The following COLGALT2 variants were observed in gnomAD, a reference collection of about 807,000 sequenced individuals.
COLGALT2 encodes the protein procollagen galactosyltransferase 2.
COLGALT2 carries 49 observed loss-of-function variants against 73.4 expected under a neutral mutation model. The observed-to-expected ratio is 0.67, with a 90% CI of 0.53 to 0.85. COLGALT2 has a LOEUF of 0.85. Among genes scored for constraint, COLGALT2 ranks in the 40% least tolerant of loss-of-function variants. The pLI is 0.00. For synonymous variants in COLGALT2, 295 were observed against 307.6 expected (o/e 0.96, Z 0.43); for missense variants, 722 against 790.2 (o/e 0.91, Z 1.03).
chr1:184,017,247 CTTATAA>C (rs539390012), intron 1 of COLGALT2, among the ~76,000 whole-genome samples: 2 of 152,166 alleles, frequency 1.3e-5, no homozygotes, highest in Non-Finnish European at 2.9e-5. Context: ...ATCTGATGTA[CTTATAA>C]TTATATTAAA....
chr1:184,007,753 GTCCTCAAGCTTATCCCAGGT>G (rs1461717381), intron 1 of COLGALT2, among the ~76,000 whole-genome samples: 1 of 152,128 alleles, frequency 6.6e-6, no homozygotes, highest in African/African-American at 2.4e-5. Context: ...GGCCCCCAGG[GTCCTCAAGCTTATCCCAGGT>G]TCCTCAAACA....
intron 5 of COLGALT2, chr1:183,964,295 A>C (rs1373734496): frequency 2.4e-6 from 1 of 413,304 alleles, no homozygotes; most frequent in African/African-American, 2.0e-5. Flanking sequence ...GCCTGGAATG[A>C]ACAAAAAAGG....
In COLGALT2 at chr1:184,020,621, G is replaced by A. The variant is rs868039118; in HGVS notation, c.263+16474C>T. Among the ~76,000 whole-genome samples, 5 of 152,068 alleles carry A rather than the reference G, an allele frequency of 3.3e-5. No individual in the cohort carries two copies. In the South Asian group the frequency reaches 6.2e-4, roughly 19 times the overall value. On this transcript the variant is annotated intron_variant, in intron 1 of 11. Coordinates refer to ENST00000361927, the MANE Select transcript of COLGALT2 (RefSeq NM_015101.4). ...TTTCTCTGAACACATTATATACAGC[G>A]TACTCTCCTATCAGAGCTCTACCCC... is the stretch of plus-strand genomic sequence containing the variant.
At chr1:184,001,932 C>T (rs1671938077) in intron 1 of COLGALT2, among the ~76,000 whole-genome samples, 1 of 152,252 alleles carries the variant, frequency 6.6e-6, no homozygotes, top group African/African-American at 2.4e-5. Context: ...GGGCCTAATG[C>T]TTCTCTGGCA....
intron 1 of COLGALT2, among the ~76,000 whole-genome samples, chr1:184,017,518 G>A (rs1200815489): frequency 6.6e-6 from 1 of 152,042 alleles, no homozygotes; most frequent in African/African-American, 2.4e-5. Context: ...ACTATAAGCC[G>A]CATTATTCCA....
At chr1:183,961,733 T>G (rs533625047) in intron 6 of COLGALT2, among the ~76,000 whole-genome samples, 1 of 152,328 alleles carries the variant, frequency 6.6e-6, no homozygotes, top group Admixed American at 6.5e-5. Context: ...CATTTGTTCA[T>G]GCATTCAGCA....
intron 1 of COLGALT2, among the ~76,000 whole-genome samples, chr1:184,018,867 A>T (rs1183057784): frequency 1.3e-5 from 2 of 152,180 alleles, no homozygotes; most frequent in African/African-American, 4.8e-5. Context: ...AAGCAGTAAA[A>T]ATGCCAAATG....
At chr1:183,973,221 G>A (rs1281608045) in intron 4 of COLGALT2, among the ~76,000 whole-genome samples, 1 of 152,138 alleles carries the variant, frequency 6.6e-6, no homozygotes, top group African/African-American at 2.4e-5. Context: ...CTATGATGTT[G>A]TTACGGTGAT....
At chr1:183,963,639 A>G (rs1170832179) in intron 6 of COLGALT2, among the ~76,000 whole-genome samples, 1 of 152,234 alleles carries the variant, frequency 6.6e-6, no homozygotes, top group Non-Finnish European at 1.5e-5. Flanking sequence ...CTATTATAGC[A>G]CTTATCAGAT....
At chr1:184,036,804 C>T (rs1020068727) in intron 1 of COLGALT2, among the ~76,000 whole-genome samples, 6 of 152,230 alleles carry the variant, frequency 3.9e-5, no homozygotes, top group African/African-American at 1.4e-4. Flanking sequence ...CCCCATGCCC[C>T]TTGTGGGACA....
At chr1:183,964,866 GCCATGTATCCAAGCCTCTGGT>G (rs1376670947) in intron 5 of COLGALT2, among the ~76,000 whole-genome samples, 2 of 152,114 alleles carry the variant, frequency 1.3e-5, no homozygotes, top group Admixed American at 1.3e-4. Flanking sequence ...GGATGAGTCC[GCCATGTATCCAAGCCTCTGGT>G]CCATGTATCC....
At chr1:183,961,105 A>G (rs989923879) in intron 6 of COLGALT2, among the ~76,000 whole-genome samples, 21 of 152,144 alleles carry the variant, frequency 1.4e-4, no homozygotes, top group African/African-American at 5.1e-4. Flanking sequence ...TTTTTCCAAC[A>G]TTTTCTTACT....
At chr1:183,982,872 A>G (rs887334459) in intron 1 of COLGALT2, among the ~76,000 whole-genome samples, 1 of 152,246 alleles carries the variant, frequency 6.6e-6, no homozygotes, top group Admixed American at 6.5e-5. Flanking sequence ...TTCATTACAC[A>G]GGACTTCTTA....
rs17570110 is a variant in COLGALT2, at chr1:183,954,572, T to C, written c.1029+190A>G. ...AAATGATTAACTACATTTATCATGATACTCCTTTTTTTAAGATAAGGAAAC... is the reference window on the plus strand; with the variant it reads ...AAATGATTAACTACATTTATCATGACACTCCTTTTTTTAAGATAAGGAAAC... On this transcript the variant is annotated intron_variant, in intron 7 of 11. Coordinates refer to ENST00000361927, the MANE Select transcript of COLGALT2 (RefSeq NM_015101.4). Among the ~76,000 whole-genome samples the C allele has an allele frequency of 3.8e-3, 584 of 152,360 alleles. 3 individuals are homozygous for C. The highest frequency in any genetic ancestry group is 5.4e-3 in the Admixed American group (83 of 15,310).
Position 184,037,233 on chromosome 1 carries a change from G to T in COLGALT2, c.125C>A (p.Pro42Gln). 6.3e-7 allele frequency: 1 copy of T among 1,595,380 alleles called. No homozygotes were observed. The highest frequency in any genetic ancestry group is 1.7e-5 in the Admixed American group (1 of 58,098). Residue 42 changes from proline (P) to glutamine (Q), a missense_variant, in exon 1 of 12, where the codon CCG becomes CAG. Coordinates refer to ENST00000361927, the MANE Select transcript of COLGALT2 (RefSeq NM_015101.4). ...CAGGGGCGACTCCGGGAAAACCACC[G>T]GCTCCTCTCCGTCGTCCTCCGAGTC... is the stretch of plus-strand genomic sequence containing the variant. ...ERDSEDDGEE[P>Q]VVFPESPLQS...
intron 6 of COLGALT2, among the ~76,000 whole-genome samples, chr1:183,962,046 A>G (rs532685552): frequency 1.3e-5 from 2 of 152,168 alleles, no homozygotes; most frequent in African/African-American, 4.8e-5. Context: ...TGAAAAAGGA[A>G]TTTATAGTGT....
chr1:184,024,712 T>C (rs905478394), intron 1 of COLGALT2, among the ~76,000 whole-genome samples: 9 of 145,112 alleles, frequency 6.2e-5, no homozygotes. Context: ...TCTCTAAACA[T>C]ACAAGTATCA....
At chr1:184,003,203 T>C (rs1671976946) in intron 1 of COLGALT2, among the ~76,000 whole-genome samples, 1 of 152,144 alleles carries the variant, frequency 6.6e-6, no homozygotes, top group African/African-American at 2.4e-5. Context: ...ATTCCTCCTA[T>C]CAAAAGATAG....
chr1:183,935,156 C>T (rs567429454), downstream of COLGALT2, among the ~76,000 whole-genome samples: 2 of 152,348 alleles, frequency 1.3e-5, no homozygotes, highest in African/African-American at 4.8e-5. Context: ...ATTCATCCTC[C>T]AAAACCCAAC....
Sources: allele counts gnomAD v4.1 joint callset (sites outside exome capture counted in the v4.1 genomes callset), GRCh38; gene constraint gnomAD v4.1.1; transcripts MANE v1.5; gene names NCBI Gene and HGNC (gene_info 2026-07-23, HGNC 2026-07-21).